SGCZ: variants seen among roughly 807,000 people sequenced by gnomAD.
The protein encoded by SGCZ is sarcoglycan zeta.
SGCZ carries 40 observed loss-of-function variants against 41.3 expected under a neutral mutation model. The ratio of observed to expected loss-of-function variants is 0.97; its 90% CI spans 0.75 to 1.26. The LOEUF (loss-of-function observed/expected upper bound fraction) is 1.26, where lower values mean the gene tolerates loss of function less well. Ranked by LOEUF, SGCZ falls within the 50% of genes most tolerant of loss-of-function variation. SGCZ has a pLI of 0.00. For synonymous variants in SGCZ, 206 were observed against 137.5 expected (o/e 1.50, Z -3.49); for missense variants, 552 against 369.8 (o/e 1.49, Z -4.04).
intron 1 of SGCZ, among the ~76,000 whole-genome samples, chr8:14,973,095 A>G (rs372983738): frequency 2.2e-4 from 34 of 152,312 alleles, no homozygotes; most frequent in African/African-American, 7.7e-4. Context: ...GTTCTGGGAT[A>G]CAGTTCTTAA....
chr8:15,183,148 TTTTACAGTTA>T (rs1239031541), intron 1 of SGCZ, among the ~76,000 whole-genome samples: 1 of 144,212 alleles, frequency 6.9e-6, no homozygotes, highest in Non-Finnish European at 1.5e-5. Context: ...CCTTAGGCTG[TTTTACAGTTA>T]ACTTTTTTTA....
At chr8:14,884,465 T>C (rs957391363) in intron 1 of SGCZ, among the ~76,000 whole-genome samples, 17 of 152,082 alleles carry the variant, frequency 1.1e-4, no homozygotes. Context: ...TCTTAGACAT[T>C]GCCCTTCTTG....
chr8:14,418,628 C>A (rs2117298647), intron 2 of SGCZ, among the ~76,000 whole-genome samples: 1 of 151,944 alleles, frequency 6.6e-6, no homozygotes, highest in Non-Finnish European at 1.5e-5. Context: ...AATTAATTAT[C>A]AACAACAAGG....
rs913640428 is a variant in SGCZ at position 14,800,034 on chromosome 8, A to G, written c.40-245108T>C. 5.9e-5 allele frequency among the ~76,000 whole-genome samples: 9 copies of G among 152,370 alleles called. No homozygotes were observed. The East Asian group carries it at 1.5e-3, about 26-fold the overall frequency. On this transcript the variant is annotated intron_variant, in intron 1 of 7. Coordinates refer to ENST00000382080, the MANE Select transcript of SGCZ (RefSeq NM_139167.4). Reference sequence around the variant, plus strand: ...GATAATTGGTAAACCACTGTTTTGCACAGAGGTTAGCTATTCCAAAACCAT... The same window carrying G: ...GATAATTGGTAAACCACTGTTTTGCGCAGAGGTTAGCTATTCCAAAACCAT...
chr8:15,097,914 GTGTATA>G (rs1441532270), intron 1 of SGCZ, among the ~76,000 whole-genome samples: 13 of 78,042 alleles, frequency 1.7e-4, no homozygotes, highest in East Asian at 1.5e-3. Flanking sequence ...ATATATACGT[GTGTATA>G]TATATATATA....
At chr8:14,309,604 C>T (rs12156020) in intron 3 of SGCZ, 1,147,832 of 1,610,406 alleles carry the variant, frequency 0.71, 417,468 homozygotes, top group Non-Finnish European at 0.76. Flanking sequence ...AAGATAGTGA[C>T]TGGTTATCAG....
chr8:14,506,556 C>T (rs1802311326), intron 2 of SGCZ, among the ~76,000 whole-genome samples: 1 of 152,114 alleles, frequency 6.6e-6, no homozygotes, highest in South Asian at 2.1e-4. Flanking sequence ...TATACCTGGA[C>T]ACCTAAGTCT....
intron 4 of SGCZ, among the ~76,000 whole-genome samples, chr8:14,190,070 T>C (rs1293335423): frequency 2.8e-5 from 4 of 145,278 alleles, no homozygotes; most frequent in Admixed American, 1.4e-4. Context: ...TGGAGTGCAG[T>C]GGCGCCATCT....
chr8:14,177,608 C>T (rs1804581704), intron 4 of SGCZ, among the ~76,000 whole-genome samples: 1 of 151,842 alleles, frequency 6.6e-6, no homozygotes, highest in Non-Finnish European at 1.5e-5. Flanking sequence ...CTCCCGGGTT[C>T]ATGCCATTCT....
Position 14,419,882 on chromosome 8 carries a change from C to T in SGCZ, c.235-95678G>A, listed in dbSNP as rs192392650. The stretch of plus-strand genomic sequence containing the variant: ...CCAATCTTTATGCCGAAATTATTAG[C>T]GTTTGTTTCTAAAGCGACGAGAAAG... On this transcript the variant is annotated intron_variant, in intron 2 of 7. Transcript: ENST00000382080. Among the ~76,000 whole-genome samples the T allele has an allele frequency of 1.4e-4, 22 of 152,118 alleles. No homozygotes were observed. The East Asian group carries it at 3.9e-3, about 27-fold the overall frequency.
chr8:15,059,712 T>G (rs1384305596), intron 1 of SGCZ, among the ~76,000 whole-genome samples: 2 of 152,210 alleles, frequency 1.3e-5, no homozygotes, highest in Non-Finnish European at 2.9e-5. Flanking sequence ...ACATAATGAA[T>G]CATCAAAAGT....
At chr8:15,130,570 C>T (rs1355904623) in intron 1 of SGCZ, among the ~76,000 whole-genome samples, 3 of 152,112 alleles carry the variant, frequency 2.0e-5, no homozygotes, top group Admixed American at 1.3e-4. Context: ...GCTGGCATTC[C>T]GTGTTTAAAA....
At chr8:14,600,720 A>T (rs1284472488) in intron 1 of SGCZ, among the ~76,000 whole-genome samples, 1 of 152,228 alleles carries the variant, frequency 6.6e-6, no homozygotes, top group African/African-American at 2.4e-5. Context: ...AACTAAAAAA[A>T]ATATACACAT....
At chr8:14,451,697 T>C (rs982262538) in intron 2 of SGCZ, among the ~76,000 whole-genome samples, 7 of 152,326 alleles carry the variant, frequency 4.6e-5, no homozygotes, top group African/African-American at 1.2e-4. Flanking sequence ...TTAATACACA[T>C]TGCACACTGC....
At chr8:14,935,703 C>T (rs1043975486) in intron 1 of SGCZ, among the ~76,000 whole-genome samples, 2 of 151,610 alleles carry the variant, frequency 1.3e-5, no homozygotes, top group Admixed American at 1.3e-4. Flanking sequence ...CAAATATCAA[C>T]AAAATAAACA....
At chr8:14,568,580 G>C (rs981547770) in intron 1 of SGCZ, among the ~76,000 whole-genome samples, 3 of 151,572 alleles carry the variant, frequency 2.0e-5, no homozygotes, top group Non-Finnish European at 2.9e-5. Context: ...AAACTCCTTT[G>C]CTTGCAATTC....
At chr8:14,599,249 A>C (rs1223171252) in intron 1 of SGCZ, among the ~76,000 whole-genome samples, 1 of 140,286 alleles carries the variant, frequency 7.1e-6, no homozygotes, top group African/African-American at 2.5e-5. Flanking sequence ...TATTTCCTCA[A>C]ATCCCTCCTT....
rs543385965 is a variant in SGCZ, at chr8:14,604,497, A to T, written c.40-49571T>A. Among the ~76,000 whole-genome samples, 6 of 152,328 alleles carry T rather than the reference A, an allele frequency of 3.9e-5. No individual in the cohort carries two copies. The East Asian group carries it at 1.2e-3, about 29-fold the overall frequency. On this transcript the variant is annotated intron_variant, in intron 1 of 7. Transcript: ENST00000382080. ...ATTGAGACATAGGCATACTCTTGGT[A>T]GATGAGTGTCATATCAGGTACAATA...
intron 2 of SGCZ, among the ~76,000 whole-genome samples, chr8:14,408,948 A>AGTGTGTGTGTGTGTGTGTGT (rs775874986): frequency 1.6e-4 from 18 of 112,194 alleles, no homozygotes; most frequent in African/African-American, 5.5e-4. Flanking sequence ...TTTTAAATTA[A>AGTGTGTGTGTGTGTGTGTGT]GAGAGTGTGT....
Sources: allele counts gnomAD v4.1 joint callset (sites outside exome capture counted in the v4.1 genomes callset), GRCh38; gene constraint gnomAD v4.1.1; transcripts MANE v1.5; gene names NCBI Gene and HGNC (gene_info 2026-07-23, HGNC 2026-07-21).